HPS3: variants seen among roughly 807,000 people sequenced by gnomAD.
HPS3 encodes BLOC-2 complex member HPS3.
In HPS3, 79 loss-of-function variants were observed where a neutral mutation model predicts 110.9. That is an observed-to-expected ratio of 0.71 (90% CI 0.59 to 0.86). The LOEUF is 0.86. HPS3 is among the 40% of genes least tolerant of loss of function. HPS3 has a pLI of 0.00. For synonymous variants in HPS3, 428 were observed against 451.0 expected, an observed-to-expected ratio of 0.95 and a Z score of 0.65; for missense variants, 1,197 against 1,206.2, an observed-to-expected ratio of 0.99 and a Z score of 0.11.
chr3:149,134,314 C>T (rs1721948422), intron 1 of HPS3, among the ~76,000 whole-genome samples: 1 of 152,184 alleles, frequency 6.6e-6, no homozygotes, highest in Non-Finnish European at 1.5e-5. Context: ...AGAGTTCTCA[C>T]TTTCAAGAGT....
rs374790075 is a variant in HPS3 at position 149,160,295 on chromosome 3, C to T, written c.2106+16C>T. On this transcript the variant is annotated intron_variant, in intron 11 of 16. Coordinates refer to ENST00000296051, the MANE Select transcript of HPS3 (RefSeq NM_032383.5). Reference sequence around the variant, plus strand: ...CCATTCAGAGGTATGGAGCTCTGCCCGGTGCTAACAGAAGGCTGAAATAGG... The same window carrying T: ...CCATTCAGAGGTATGGAGCTCTGCCTGGTGCTAACAGAAGGCTGAAATAGG... 22 of 1,535,212 alleles carry T rather than the reference C, an allele frequency of 1.4e-5. No individual in the cohort carries two copies. The highest frequency in any genetic ancestry group is 1.7e-4 in the Middle Eastern group (1 of 5,912).
chr3:149,140,083 T>C lies in HPS3; in HGVS notation c.297T>C (p.Thr99=). 6.2e-7 allele frequency: 1 copy of C among 1,612,922 alleles called. No individual in the cohort carries two copies. Among genetic ancestry groups the C allele is most frequent in the Non-Finnish European group, 8.5e-7 (1 of 1,179,598 alleles). Reference sequence around the variant, plus strand: ...ATGTGAACTGGAGAAATAAAAGGACTGAAAACTCTCGTGTGTGTATCCGAA... The same window carrying C: ...ATGTGAACTGGAGAAATAAAAGGACCGAAAACTCTCGTGTGTGTATCCGAA... ...RAYVNWRNKR[T]ENSRVCIRMI... is the part of the protein sequence containing the mutation. The change falls in exon 2 of 17, where the codon ACT becomes ACC. Residue 99 remains threonine, a synonymous_variant. Transcript: ENST00000296051.
rs74668241 is a variant in HPS3, at chr3:149,139,147, T to C, written c.218-857T>C. Among the ~76,000 whole-genome samples the C allele has an allele frequency of 7.5e-3, 1,141 of 152,346 alleles. 14 individuals carry two copies. The highest frequency in any genetic ancestry group is 0.026 in the African/African-American group (1,085 of 41,572). ...GCTTATCAGTAAGGGAATTATTGAA[T>C]AAATTATGCGTATGTATGTACATAT... is the stretch of plus-strand genomic sequence containing the variant. On this transcript the variant is annotated intron_variant, in intron 1 of 16. Coordinates refer to ENST00000296051, the MANE Select transcript of HPS3 (RefSeq NM_032383.5).
intron 4 of HPS3, among the ~76,000 whole-genome samples, chr3:149,145,078 G>C (rs1559911942): frequency 6.6e-6 from 1 of 152,126 alleles, no homozygotes; most frequent in Non-Finnish European, 1.5e-5. Flanking sequence ...CCCAAGTAGT[G>C]TTGAGCTCTG....
intron 14 of HPS3, among the ~76,000 whole-genome samples, chr3:149,164,913 C>T (rs141849312): frequency 1.8e-3 from 268 of 152,252 alleles, no homozygotes; most frequent in African/African-American, 6.2e-3. Context: ...ACCTCATTTA[C>T]ACTATGGGAA....
intron 1 of HPS3, among the ~76,000 whole-genome samples, chr3:149,137,446 A>G (rs1258006821): frequency 2.0e-5 from 3 of 152,244 alleles, no homozygotes; most frequent in African/African-American, 7.2e-5. Context: ...TAGAATTACC[A>G]TATGATCCAG....
chr3:149,142,801 T>C lies in HPS3; in HGVS notation c.970+1421T>C, dbSNP rs374627087. Among the ~76,000 whole-genome samples, 36 of 152,266 alleles carry C rather than the reference T, an allele frequency of 2.4e-4. No homozygotes were observed. The East Asian group carries it at 5.2e-3, about 22-fold the overall frequency. The stretch of plus-strand genomic sequence containing the variant: ...AGGGAGACATTCGAATAACGGCAGA[T>C]TCACAGTTGTACCCTGAAATGAGTG... On this transcript the variant is annotated intron_variant, in intron 4 of 16. Coordinates refer to ENST00000296051, the MANE Select transcript of HPS3 (RefSeq NM_032383.5).
intron 4 of HPS3, among the ~76,000 whole-genome samples, chr3:149,142,535 G>A (rs1722536593): frequency 6.6e-6 from 1 of 152,144 alleles, no homozygotes; most frequent in Non-Finnish European, 1.5e-5. Flanking sequence ...AGTCTAATGG[G>A]CACCATGATT....
rs1314095455 is a variant in HPS3 at position 149,155,121 on chromosome 3, C to A, written c.1415C>A (p.Thr472Asn). 1.9e-6 allele frequency: 3 copies of A among 1,594,460 alleles called. No homozygotes were observed. Among genetic ancestry groups the A allele is most frequent in the Non-Finnish European group, 2.6e-6 (3 of 1,162,278 alleles). The change falls in exon 8 of 17, where the codon ACC becomes AAC. Residue 472 changes from threonine (T) to asparagine (N), a missense_variant. Coordinates refer to ENST00000296051, the MANE Select transcript of HPS3 (RefSeq NM_032383.5). The part of the protein sequence containing the change: ...SPKRLLSRKD[T>N]SVKIKIPPVA... ...TTTGCTTTTAGTTCGAGAAAAGATA[C>A]CAGTGTTAAAATCAAAATACCTCCT...
chr3:149,141,068 A>G lies in HPS3; in HGVS notation c.764A>G (p.Gln255Arg). 1.2e-6 allele frequency: 2 copies of G among 1,614,078 alleles called. No homozygotes were observed. Among genetic ancestry groups the G allele is most frequent in the Non-Finnish European group, 1.7e-6 (2 of 1,179,960 alleles). ...GAGTCAGATGATTTTGTCATCTGCCAGAAGCCCCTGGAACTTCTTGGTGAA... is the reference window on the plus strand; with the variant it reads ...GAGTCAGATGATTTTGTCATCTGCCGGAAGCCCCTGGAACTTCTTGGTGAA... ...QLESDDFVICQKPLELLGEKS... is the reference protein window; with the variant it reads ...QLESDDFVICRKPLELLGEKS... The change falls in exon 3 of 17, where the codon CAG (glutamine) becomes CGG (arginine). Residue 255 changes from glutamine to arginine, a missense_variant. Transcript: ENST00000296051.
chr3:149,142,998 C>T (rs1451268757), intron 4 of HPS3, among the ~76,000 whole-genome samples: 2 of 152,128 alleles, frequency 1.3e-5, no homozygotes, highest in Non-Finnish European at 2.9e-5. Context: ...GAAGCAGCAG[C>T]AAAGGCTCTG....
intron 7 of HPS3, among the ~76,000 whole-genome samples, chr3:149,154,676 T>A (rs1414117512): frequency 6.6e-6 from 1 of 152,236 alleles, no homozygotes; most frequent in African/African-American, 2.4e-5. Flanking sequence ...CTTAACAGTT[T>A]TATGTGTCTT....
intron 5 of HPS3, among the ~76,000 whole-genome samples, chr3:149,148,773 T>C (rs1282174520): frequency 6.6e-6 from 1 of 152,020 alleles, no homozygotes; most frequent in Non-Finnish European, 1.5e-5. Context: ...CAGAAATTGA[T>C]CATGCTCTGT....
intron 1 of HPS3, chr3:149,130,244 A>C: frequency 2.0e-6 from 1 of 489,228 alleles, no homozygotes; most frequent in East Asian, 3.6e-5. Flanking sequence ...TTAAGCAAAC[A>C]ACAACAAAAA....
At chr3:149,168,628 T>TA (rs1724670658) in intron 16 of HPS3, among the ~76,000 whole-genome samples, 1 of 152,188 alleles carries the variant, frequency 6.6e-6, no homozygotes, top group Non-Finnish European at 1.5e-5. Flanking sequence ...AGTTGATTTT[T>TA]AAAATGTAAG....
chr3:149,160,389 G>A, intron 11 of HPS3, 110 bp downstream of exon 11: 1 of 761,014 alleles, frequency 1.3e-6, no homozygotes, highest in Non-Finnish European at 2.3e-6. Flanking sequence ...TGGTTGTAAT[G>A]GAAAACAGAC....
At chr3:149,130,487 C>G (rs1721696560) in intron 1 of HPS3, 2 of 154,916 alleles carry the variant, frequency 1.3e-5, no homozygotes, top group African/African-American at 4.8e-5. Flanking sequence ...CCTCTCTTCT[C>G]TTAAACATCT....
intron 11 of HPS3, 106 bp from the exon 12 acceptor site, chr3:149,162,042 A>G: frequency 1.1e-6 from 1 of 898,182 alleles, no homozygotes; most frequent in Non-Finnish European, 1.8e-6. Context: ...TAAATTATTA[A>G]TAGCTTAACC....
chr3:149,160,405 T>G (rs1361688917), intron 11 of HPS3, 126 bp downstream of exon 11: 33 of 721,274 alleles, frequency 4.6e-5, no homozygotes, highest in Admixed American at 3.0e-4. Flanking sequence ...CAGACAATAT[T>G]AGAAACAAAG....
Sources: allele counts gnomAD v4.1 joint callset (sites outside exome capture counted in the v4.1 genomes callset), GRCh38; gene constraint gnomAD v4.1.1; transcripts MANE v1.5; gene names NCBI Gene and HGNC (gene_info 2026-07-23, HGNC 2026-07-21).